The following LRMDA variants were observed in gnomAD, a reference collection of about 807,000 sequenced individuals.
The protein encoded by LRMDA is leucine-rich melanocyte differentiation-associated protein.
Under a neutral mutation model 29.8 loss-of-function variants are expected in LRMDA, and 18 were observed. The ratio of observed to expected loss-of-function variants is 0.60; its 90% CI spans 0.42 to 0.90. The LOEUF (loss-of-function observed/expected upper bound fraction) is 0.90, where lower values mean the gene tolerates loss of function less well. Among genes scored for constraint, LRMDA ranks in the 40% least tolerant of loss-of-function variants. The probability of loss-of-function intolerance (pLI) is 0.00; values close to 1 mark genes in which losing one functional copy is unlikely to be tolerated. For synonymous variants in LRMDA, 125 were observed against 109.4 expected, an observed-to-expected ratio of 1.14 and a Z score of -0.89; for missense variants, 273 against 273.9, an observed-to-expected ratio of 1.00 and a Z score of 0.02.
intron 2 of LRMDA, among the ~76,000 whole-genome samples, chr10:75,899,333 T>G (rs1414922978): frequency 2.0e-5 from 3 of 152,196 alleles, no homozygotes; most frequent in Non-Finnish European, 4.4e-5. Flanking sequence ...TATAATCCAG[T>G]AGAGGAGACA....
chr10:75,980,256 C>A (rs932379477), intron 2 of LRMDA, among the ~76,000 whole-genome samples: 1 of 152,122 alleles, frequency 6.6e-6, no homozygotes, highest in Non-Finnish European at 1.5e-5. Context: ...AGGATCCTGA[C>A]AAAAATGGGA....
chr10:76,076,898 A>G (rs1260656168), intron 5 of LRMDA, among the ~76,000 whole-genome samples: 4 of 152,212 alleles, frequency 2.6e-5, no homozygotes, highest in African/African-American at 9.7e-5. Context: ...AAGTTCCTGA[A>G]TCCATCTGAT....
At chr10:76,270,790 A>G (rs1840059337) in intron 5 of LRMDA, 1 of 152,154 alleles carries the variant, frequency 6.6e-6, no homozygotes, top group African/African-American at 2.4e-5. Context: ...GCAGGTTGCA[A>G]TCTAAGAGCT....
At chr10:75,831,891 ATGAC>A (rs1371612005) in intron 2 of LRMDA, among the ~76,000 whole-genome samples, 2 of 152,192 alleles carry the variant, frequency 1.3e-5, no homozygotes, top group African/African-American at 4.8e-5. Flanking sequence ...ACTTTTAGTC[ATGAC>A]TGAAGTGGCT....
intron 2 of LRMDA, among the ~76,000 whole-genome samples, chr10:75,654,601 A>AAG (rs1259848647): frequency 6.6e-6 from 1 of 152,208 alleles, no homozygotes; most frequent in African/African-American, 2.4e-5. Flanking sequence ...TCCTGGCATG[A>AAG]AGATTTGCCA....
At chr10:76,390,929 T>C (rs1841716650) in intron 6 of LRMDA, among the ~76,000 whole-genome samples, 1 of 152,212 alleles carries the variant, frequency 6.6e-6, no homozygotes, top group Admixed American at 6.5e-5. Context: ...TGTATTCACG[T>C]GGAGAGAGTT....
chr10:75,711,122 G>A (rs901846006), intron 2 of LRMDA, among the ~76,000 whole-genome samples: 5 of 152,314 alleles, frequency 3.3e-5, no homozygotes, highest in East Asian at 3.9e-4. Context: ...TTTGGTGGTC[G>A]TCCTTTGGAT....
chr10:75,614,730 C>T (rs1214495593), intron 2 of LRMDA, among the ~76,000 whole-genome samples: 1 of 151,812 alleles, frequency 6.6e-6, no homozygotes, highest in Non-Finnish European at 1.5e-5. Context: ...CTGTGTTACT[C>T]ATGATGCACT....
chr10:75,860,431 C>T (rs929742280), intron 2 of LRMDA, among the ~76,000 whole-genome samples: 2 of 148,612 alleles, frequency 1.3e-5, no homozygotes, highest in African/African-American at 2.5e-5. Context: ...AAGTGATTCT[C>T]CTGCCTCAGC....
chr10:75,683,808 C>T (rs962834160), intron 2 of LRMDA, among the ~76,000 whole-genome samples: 6 of 152,216 alleles, frequency 3.9e-5, no homozygotes, highest in African/African-American at 1.4e-4. Flanking sequence ...GATTATTACA[C>T]ACCTACTCTG....
At chr10:75,902,954 A>G (rs994077867) in intron 2 of LRMDA, among the ~76,000 whole-genome samples, 6 of 152,166 alleles carry the variant, frequency 3.9e-5, no homozygotes, top group African/African-American at 1.2e-4. Flanking sequence ...TCAGAAGCAG[A>G]TAAATGGAGA....
chr10:75,851,201 A>C lies in LRMDA; in HGVS notation c.132-184807A>C, dbSNP rs368964479. ...GGGAACCTTGGTTACTTCAGCACAA[A>C]CATCCTTGTTTATTGAGCTGACATG... On this transcript the variant is annotated intron_variant, in intron 2 of 6. Transcript: ENST00000611255. 7.7e-4 allele frequency among the ~76,000 whole-genome samples: 117 copies of C among 152,318 alleles called. 3 individuals carry two copies. In the South Asian group the frequency reaches 0.024, roughly 32 times the overall value.
At chr10:75,970,923 A>G (rs982473071) in intron 2 of LRMDA, among the ~76,000 whole-genome samples, 3 of 152,200 alleles carry the variant, frequency 2.0e-5, no homozygotes, top group Non-Finnish European at 4.4e-5. Context: ...CCATTGTTAT[A>G]TTGGGTATTC....
At chr10:75,488,814 T>A (rs1159882977) in intron 2 of LRMDA, among the ~76,000 whole-genome samples, 2 of 152,162 alleles carry the variant, frequency 1.3e-5, no homozygotes, top group Non-Finnish European at 2.9e-5. Flanking sequence ...GGAGAGGCAC[T>A]GGGTGGGGAT....
At chr10:76,318,142 T>C (rs1840723521) in intron 5 of LRMDA, among the ~76,000 whole-genome samples, 1 of 152,250 alleles carries the variant, frequency 6.6e-6, no homozygotes, top group Non-Finnish European at 1.5e-5. Flanking sequence ...TTGGAACCAC[T>C]GCTCTAGATG....
At chr10:76,081,257 T>A (rs1377483874) in intron 5 of LRMDA, among the ~76,000 whole-genome samples, 1 of 152,096 alleles carries the variant, frequency 6.6e-6, no homozygotes, top group Non-Finnish European at 1.5e-5. Context: ...GGGAGGATTG[T>A]TTGAGCCCAG....
At chr10:75,782,418 C>G (rs957144459) in intron 2 of LRMDA, among the ~76,000 whole-genome samples, 30 of 152,156 alleles carry the variant, frequency 2.0e-4, no homozygotes, top group African/African-American at 6.3e-4. Flanking sequence ...TTACCTCTTC[C>G]TTTTATTATT....
At chr10:75,802,142 C>A (rs139685251) in intron 2 of LRMDA, among the ~76,000 whole-genome samples, 37 of 152,204 alleles carry the variant, frequency 2.4e-4, no homozygotes, top group Non-Finnish European at 4.3e-4. Context: ...CACAGGGAGA[C>A]CCCATTTCTA....
chr10:75,621,265 CATTG>C (rs1841183041), intron 2 of LRMDA, among the ~76,000 whole-genome samples: 1 of 151,896 alleles, frequency 6.6e-6, no homozygotes, highest in Non-Finnish European at 1.5e-5. Context: ...TTTATCCACT[CATTG>C]ATTGATGGGC....
Sources: allele counts gnomAD v4.1 joint callset (sites outside exome capture counted in the v4.1 genomes callset), GRCh38; gene constraint gnomAD v4.1.1; transcripts MANE v1.5; gene names NCBI Gene and HGNC (gene_info 2026-07-23, HGNC 2026-07-21).